Variants in MAGI3 observed in about 807,000 individuals in gnomAD.
MAGI3 encodes the protein membrane-associated guanylate kinase, WW and PDZ domain-containing protein 3.
MAGI3 carries 43 observed loss-of-function variants against 121.8 expected under a neutral mutation model. The ratio of observed to expected loss-of-function variants is 0.35; its 90% CI spans 0.28 to 0.46. The LOEUF is 0.46. MAGI3 is among the 20% of genes least tolerant of loss of function. The pLI is 1.00. For synonymous variants in MAGI3, 553 were observed against 639.3 expected (o/e 0.86, Z 2.04); for missense variants, 1,547 against 1,797.3 (o/e 0.86, Z 2.52).
intron 1 of MAGI3, among the ~76,000 whole-genome samples, chr1:113,482,007 G>T (rs1252912130): frequency 6.6e-6 from 1 of 150,594 alleles, no homozygotes; most frequent in Non-Finnish European, 1.5e-5. Context: ...ATGAAACATA[G>T]TTCAGCATTC....
chr1:113,655,635 A>G (rs530436695), intron 15 of MAGI3, among the ~76,000 whole-genome samples: 2 of 152,234 alleles, frequency 1.3e-5, no homozygotes, highest in Admixed American at 1.3e-4. Flanking sequence ...GAGATACTTC[A>G]TCTCTTTAAG....
At chr1:113,476,271 A>G (rs988594040) in intron 1 of MAGI3, among the ~76,000 whole-genome samples, 7 of 151,952 alleles carry the variant, frequency 4.6e-5, no homozygotes, top group African/African-American at 7.3e-5. Flanking sequence ...TAGCTTTTCA[A>G]TATGTTTGCT....
At chr1:113,447,323 C>G (rs1654222315) in intron 1 of MAGI3, among the ~76,000 whole-genome samples, 1 of 152,088 alleles carries the variant, frequency 6.6e-6, no homozygotes, top group Non-Finnish European at 1.5e-5. Context: ...TGTCCCATGG[C>G]AAAAGGGCAA....
At chr1:113,448,212 T>C (rs1654282277) in intron 1 of MAGI3, among the ~76,000 whole-genome samples, 1 of 152,196 alleles carries the variant, frequency 6.6e-6, no homozygotes, top group African/African-American at 2.4e-5. Flanking sequence ...TGGTGATCTT[T>C]CTATGTGAGC....
At chr1:113,519,108 G>T (rs1270407783) in intron 1 of MAGI3, among the ~76,000 whole-genome samples, 1 of 151,916 alleles carries the variant, frequency 6.6e-6, no homozygotes, top group Non-Finnish European at 1.5e-5. Flanking sequence ...CAAGAATTTG[G>T]GCTATTAAAA....
intron 1 of MAGI3, among the ~76,000 whole-genome samples, chr1:113,515,920 C>A (rs917502366): frequency 6.6e-6 from 1 of 152,004 alleles, no homozygotes; most frequent in African/African-American, 2.4e-5. Flanking sequence ...TTGTGCCTGG[C>A]ACTGTTAACA....
chr1:113,682,592 G>C (rs1648286973), intron 20 of MAGI3: 1 of 984,866 alleles, frequency 1.0e-6, no homozygotes, highest in Non-Finnish European at 1.2e-6. Flanking sequence ...TTTATAACTT[G>C]TAAGTTCTAA....
chr1:113,657,316 CTGTT>C (rs1174694590), intron 15 of MAGI3, among the ~76,000 whole-genome samples: 3 of 152,186 alleles, frequency 2.0e-5, no homozygotes, highest in Non-Finnish European at 2.9e-5. Context: ...TTCTACTGGT[CTGTT>C]TGCTATTTTT....
chr1:113,403,914 T>A (rs1409187962), intron 1 of MAGI3: 1 of 151,666 alleles, frequency 6.6e-6, no homozygotes, highest in Non-Finnish European at 1.5e-5. Flanking sequence ...GCTGATCCTT[T>A]CCCAGGCACT....
At chr1:113,623,841 C>T (rs1263286424) in intron 9 of MAGI3, among the ~76,000 whole-genome samples, 3 of 152,058 alleles carry the variant, frequency 2.0e-5, no homozygotes, top group Non-Finnish European at 2.9e-5. Flanking sequence ...TCCCTCTCAC[C>T]GCCCCACCAA....
intron 1 of MAGI3, among the ~76,000 whole-genome samples, chr1:113,470,655 A>C (rs1655498943): frequency 6.6e-6 from 1 of 152,160 alleles, no homozygotes; most frequent in African/African-American, 2.4e-5. Flanking sequence ...TTCATTGTAT[A>C]ACTGAAACTT....
chr1:113,424,572 C>T (rs1652904609), intron 1 of MAGI3, among the ~76,000 whole-genome samples: 1 of 152,064 alleles, frequency 6.6e-6, no homozygotes, highest in Non-Finnish European at 1.5e-5. Context: ...TGATATATAA[C>T]CTTTTGGGAA....
rs570467264 is a variant in MAGI3, at chr1:113,628,756, A to G, written c.1360+5762A>G. On this transcript the variant is annotated intron_variant, in intron 9 of 20. Transcript: ENST00000307546. ...TCATGCCACTCTCTCCTGCCCTGTA[A>G]GGTTTCCACTGGAAAGTCTGCTGTT... 3.9e-5 allele frequency among the ~76,000 whole-genome samples: 6 copies of G among 152,240 alleles called. No homozygotes were observed. In the East Asian group the frequency reaches 1.2e-3, roughly 29 times the overall value.
intron 1 of MAGI3, among the ~76,000 whole-genome samples, chr1:113,478,063 G>A (rs2101556248): frequency 6.6e-6 from 1 of 152,238 alleles, no homozygotes; most frequent in African/African-American, 2.4e-5. Context: ...CTCGTGCCAT[G>A]GTTTTCAGCT....
chr1:113,604,794 C>T (rs1570931985), intron 6 of MAGI3, among the ~76,000 whole-genome samples: 1 of 150,926 alleles, frequency 6.6e-6, no homozygotes, highest in Non-Finnish European at 1.5e-5. Context: ...CAAACAAAGT[C>T]GTATAATAGA....
intron 6 of MAGI3, among the ~76,000 whole-genome samples, chr1:113,595,025 T>C (rs1484086606): frequency 6.6e-6 from 1 of 152,174 alleles, no homozygotes. Flanking sequence ...AAGTCTTTAA[T>C]ATAGGCCCCC....
intron 19 of MAGI3, 31 bp from the exon 20 acceptor site, chr1:113,681,167 C>A: frequency 6.2e-7 from 1 of 1,604,618 alleles, no homozygotes; most frequent in Non-Finnish European, 8.5e-7. Context: ...TGCATAGTTT[C>A]ATGTTGTTCC....
chr1:113,394,231 C>T (rs1650976042), intron 1 of MAGI3, among the ~76,000 whole-genome samples: 1 of 152,062 alleles, frequency 6.6e-6, no homozygotes, highest in Non-Finnish European at 1.5e-5. Flanking sequence ...GAAAGTTACT[C>T]TTTAAAATAT....
chr1:113,538,081 T>C lies in MAGI3; in HGVS notation c.317-11434T>C, dbSNP rs75456891. On this transcript the variant is annotated intron_variant, in intron 1 of 20. Coordinates refer to ENST00000307546, the MANE Select transcript of MAGI3 (RefSeq NM_001142782.2). Reference sequence around the variant, plus strand: ...ATCAGAGAAAAGAAAACTATTAAATTGTTCCTTTCATATTGGTTAATTATA... The same window carrying C: ...ATCAGAGAAAAGAAAACTATTAAATCGTTCCTTTCATATTGGTTAATTATA... Among the ~76,000 whole-genome samples the C allele has an allele frequency of 5.2e-4, 79 of 152,344 alleles. No individual in the cohort carries two copies. In the East Asian group the frequency reaches 0.014, roughly 26 times the overall value.
Sources: gnomAD v4.1 joint callset for allele counts (sites outside exome capture counted in the v4.1 genomes callset) on GRCh38, gnomAD v4.1.1 for gene constraint, MANE v1.5 for transcripts, NCBI Gene and HGNC (gene_info 2026-07-23, HGNC 2026-07-21) for gene names.